The following RAMAC variants were observed in gnomAD, a reference collection of about 807,000 sequenced individuals.
The protein encoded by RAMAC is RNA guanine-7 methyltransferase activating subunit, also known as RNA guanine-N7 methyltransferase activating subunit.
RAMAC carries 11 observed loss-of-function variants against 17.9 expected under a neutral mutation model. The ratio of observed to expected loss-of-function variants is 0.61; its 90% CI spans 0.39 to 1.02. RAMAC has a LOEUF of 1.02. Among genes scored for constraint, RAMAC ranks in the 50% least tolerant of loss-of-function variants. The probability of loss-of-function intolerance (pLI) is 0.01; values close to 1 mark genes in which losing one functional copy is unlikely to be tolerated. For synonymous variants in RAMAC, 27 were observed against 48.4 expected, an observed-to-expected ratio of 0.56 and a Z score of 1.84; for missense variants, 109 against 144.0, an observed-to-expected ratio of 0.76 and a Z score of 1.25.
intron 3 of RAMAC, 110 bp from the exon 4 acceptor site, chr15:82,989,771 G>A: frequency 7.5e-7 from 1 of 1,330,690 alleles, no homozygotes. Context: ...ATGTTTTTTA[G>A]TCTTATTTAT....
intron 3 of RAMAC, 117 bp from the exon 4 acceptor site, chr15:82,989,764 T>C: frequency 7.8e-7 from 1 of 1,287,292 alleles, no homozygotes; most frequent in South Asian, 1.6e-5. Context: ...GTGAAAAATG[T>C]TTTTTAGTCT....
chr15:82,989,029 C>G lies in RAMAC; in HGVS notation c.11C>G (p.Thr4Ser). 6.2e-7 allele frequency: 1 copy of G among 1,608,402 alleles called. No homozygotes were observed. Among genetic ancestry groups the G allele is most frequent in the Non-Finnish European group, 8.5e-7 (1 of 1,177,916 alleles). The change falls in exon 3 of 4, where the codon ACT becomes AGT. Residue 4 changes from threonine (T) to serine (S), a missense_variant. By Grantham distance (58) the Thr-to-Ser change is moderately conservative. Transcript: ENST00000304191. MTD[T>S]AEAVPKFEEM... ...GTACAGATTTTCAGAATGACTGACACTGCCGAAGCTGTTCCAAAGTTTGAA... is the reference window on the plus strand; with the variant it reads ...GTACAGATTTTCAGAATGACTGACAGTGCCGAAGCTGTTCCAAAGTTTGAA...
chr15:82,989,882 T>C lies in RAMAC; in HGVS notation c.172T>C (p.Leu58=), dbSNP rs1296885467. 2 of 1,613,178 alleles carry C rather than the reference T, an allele frequency of 1.2e-6. No homozygotes were observed. The highest frequency in any genetic ancestry group is 2.7e-5 in the African/African-American group (2 of 74,846). ...GGNQRNRGNR[L]QDNRQFRGRD... is the part of the protein sequence containing the mutation. ...ATCTTTTTTGTTTTATTGTTGTAGG[T>C]TGCAAGACAACAGACAGTTCAGAGG... The change falls in exon 4 of 4, where the codon TTG becomes CTG. Residue 58 remains leucine, a splice_region_variant and synonymous_variant. Transcript: ENST00000304191.
chr15:82,987,168 C>T lies in RAMAC; in HGVS notation c.-58-168C>T, dbSNP rs528952354. Among the ~76,000 whole-genome samples, 3 of 152,296 alleles carry T rather than the reference C, an allele frequency of 2.0e-5. No individual in the cohort carries two copies. In the East Asian group the frequency reaches 5.8e-4, roughly 29 times the overall value. On this transcript the variant is annotated intron_variant, in intron 1 of 3. Transcript: ENST00000304191. Reference sequence around the variant, plus strand: ...TCTTGACTTCGTGATCTGCCCGCCTCGGCCTCCCAAAGTGTTGGGATTACA... The same window carrying T: ...TCTTGACTTCGTGATCTGCCCGCCTTGGCCTCCCAAAGTGTTGGGATTACA...
intron 2 of RAMAC, 181 bp from the exon 3 acceptor site, chr15:82,988,829 C>T (rs541356780): frequency 3.1e-4 from 174 of 568,504 alleles, no homozygotes; most frequent in African/African-American, 2.4e-3. Context: ...GTGAGAGACC[C>T]TGTCTCAAAA....
Position 82,990,845 on chromosome 15 carries a change from G to C in RAMAC, c.*778G>C. On this transcript the variant is annotated 3_prime_UTR_variant, in exon 4 of 4. Transcript: ENST00000304191. ...AATCCTGTAAATAATGCTGCATTTT[G>C]ATGGTTCTTACTTTTTTGGTATTTA... is the stretch of plus-strand genomic sequence containing the variant. 1 of 502,764 alleles carries C rather than the reference G, an allele frequency of 2.0e-6. No homozygotes were observed. 31.1% of individuals were successfully genotyped at this position (502,764 alleles called of 1,614,324 possible).
At chr15:82,986,819 G>T (rs1307215116) in intron 1 of RAMAC, among the ~76,000 whole-genome samples, 1 of 152,156 alleles carries the variant, frequency 6.6e-6, no homozygotes, top group African/African-American at 2.4e-5. Flanking sequence ...ATTCATACTT[G>T]AACTATTTTG....
At chr15:82,988,705 G>A (rs544514440) in intron 2 of RAMAC, 1 of 458,192 alleles carries the variant, frequency 2.2e-6, no homozygotes, top group African/African-American at 2.0e-5. Flanking sequence ...TGGGTGGCAT[G>A]CACCTGTAGT....
intron 2 of RAMAC, 127 bp from the exon 3 acceptor site, chr15:82,988,883 C>A: frequency 1.3e-6 from 1 of 782,360 alleles, no homozygotes; most frequent in South Asian, 1.9e-5. Flanking sequence ...TATGACATGT[C>A]TGAAAGCACA....
intron 1 of RAMAC, among the ~76,000 whole-genome samples, 200 bp from the exon 2 acceptor site, chr15:82,987,136 C>T (rs191855688): frequency 2.0e-5 from 3 of 152,280 alleles, no homozygotes; most frequent in East Asian, 1.9e-4. Flanking sequence ...CCAGGCTGGT[C>T]TCGATCTCTT....
At chr15:82,988,237 G>A (rs989557510) in intron 2 of RAMAC, among the ~76,000 whole-genome samples, 3 of 152,046 alleles carry the variant, frequency 2.0e-5, no homozygotes, top group African/African-American at 2.4e-5. Context: ...GGCTGAGGCA[G>A]GAGAATTGCT....
In RAMAC at chr15:82,990,642, A is replaced by C. The variant is rs1447685345; in HGVS notation, c.*575A>C. 2 of 1,527,922 alleles carry C rather than the reference A, an allele frequency of 1.3e-6. No homozygotes were observed. Among genetic ancestry groups the C allele is most frequent in the Non-Finnish European group, 1.8e-6 (2 of 1,126,120 alleles). The allele number at this position is 1,527,922 out of a possible 1,614,324, so 94.6% of individuals were successfully genotyped here. ...ACACTTGAGTCTCTTTTTAGAGGGA[A>C]ATCAGTAATAAAGCTGTAAAATAAG... On this transcript the variant is annotated 3_prime_UTR_variant, in exon 4 of 4. Coordinates refer to ENST00000304191, the MANE Select transcript of RAMAC (RefSeq NM_031452.4).
rs1244486876 is a variant in RAMAC at position 82,989,984 on chromosome 15, C to G, written c.274C>G (p.Pro92Ala). ...TGGACGATCCTGGGGTAACAACTAC[C>G]CGCAACACAGACAAGAACCTTACTA... is the stretch of plus-strand genomic sequence containing the variant. ...WHGRSWGNNY[P>A]QHRQEPYYPQ... Residue 92 changes from proline (P) to alanine (A), a missense_variant, in exon 4 of 4, where the codon CCG becomes GCG. Coordinates refer to ENST00000304191, the MANE Select transcript of RAMAC (RefSeq NM_031452.4). 9.3e-6 allele frequency: 15 copies of G among 1,604,582 alleles called. No individual in the cohort carries two copies. The highest frequency in any genetic ancestry group is 1.3e-5 in the Non-Finnish European group (15 of 1,173,856).
Position 82,990,165 on chromosome 15 carries a change from AGAATGGATTATTGATTTTTTG to A in RAMAC, c.*102_*122del, listed in dbSNP as rs2030800070. 2 of 486,448 alleles carry A rather than the reference AGAATGGATTATTGATTTTTTG, an allele frequency of 4.1e-6. No individual in the cohort carries two copies. The highest frequency in any genetic ancestry group is 1.1e-4 in the Admixed American group (2 of 19,036). The allele number at this position is 486,448 out of a possible 1,614,324, so 30.1% of individuals were successfully genotyped here. ...GTCATAGTTTTACATCTGATTTTAC[AGAATGGATTATTGATTTTTTG>A]GAAGTTGAGACTTTAAAAAAAATAG... On this transcript the variant is annotated 3_prime_UTR_variant, in exon 4 of 4. Transcript: ENST00000304191.
chr15:82,988,036 A>C (rs1181205317), intron 2 of RAMAC, among the ~76,000 whole-genome samples: 9 of 105,398 alleles, frequency 8.5e-5, no homozygotes, highest in African/African-American at 3.4e-4. Context: ...ACTCCGTCTC[A>C]AAAAAAAAAA....
intron 1 of RAMAC, among the ~76,000 whole-genome samples, chr15:82,987,008 C>T (rs2030645719): frequency 6.6e-6 from 1 of 152,004 alleles, no homozygotes; most frequent in Non-Finnish European, 1.5e-5. Context: ...ATCTCCGCCT[C>T]CCAAGTTCAA....
rs1242189578 is a variant in RAMAC, at chr15:82,990,972, C to G, written c.*905C>G. On this transcript the variant is annotated 3_prime_UTR_variant, in exon 4 of 4. Coordinates refer to ENST00000304191, the MANE Select transcript of RAMAC (RefSeq NM_031452.4). ...GCTATAAACTTCCTTTCACAGAGAT[C>G]ATTCTATTTCAAATCACTTTAATGA... The G allele has an allele frequency of 4.4e-6, 1 of 225,472 alleles. No individual in the cohort carries two copies. The highest frequency in any genetic ancestry group is 8.6e-6 in the Non-Finnish European group (1 of 116,570). 14.0% of individuals were successfully genotyped at this position (225,472 alleles called of 1,614,324 possible). A position where few individuals can be genotyped will look rare whatever the true frequency, so the allele number is the denominator to read the frequency against.
At chr15:82,986,691 T>C (rs1038198605) in intron 1 of RAMAC, among the ~76,000 whole-genome samples, 12 of 152,172 alleles carry the variant, frequency 7.9e-5, no homozygotes, top group African/African-American at 2.9e-4. Flanking sequence ...ATTTCCAGGG[T>C]TAGTCGCCCG....
chr15:82,989,118 C>T lies in RAMAC; in HGVS notation c.100C>T (p.Pro34Ser). 2 of 1,613,904 alleles carry T rather than the reference C, an allele frequency of 1.2e-6. No individual in the cohort carries two copies. The highest frequency in any genetic ancestry group is 1.7e-6 in the Non-Finnish European group (2 of 1,179,846). The change falls in exon 3 of 4, where the codon CCT (proline) becomes TCT (serine). Residue 34 changes from proline (P) to serine (S), a missense_variant. Physicochemically the swap from Pro to Ser is moderately conservative, Grantham distance 74. Transcript: ENST00000304191. ...KEYQEYLKRP[P>S]ESPPIVEEWN... is the part of the protein sequence containing the mutation. ...GTATCAGGAATACCTGAAACGCCCT[C>T]CTGAGTCTCCTCCAATTGTTGAGGA...
Sources: allele counts gnomAD v4.1 joint callset (sites outside exome capture counted in the v4.1 genomes callset), GRCh38; gene constraint gnomAD v4.1.1; transcripts MANE v1.5; gene names NCBI Gene and HGNC (gene_info 2026-07-23, HGNC 2026-07-21).